The following PRKN variants were observed in gnomAD, a reference collection of about 807,000 sequenced individuals.
PRKN encodes the protein parkin RBR E3 ubiquitin protein ligase.
A neutral mutation model predicts 59.5 loss-of-function variants in PRKN; 56 were observed. The ratio of observed to expected loss-of-function variants is 0.94; its 90% CI spans 0.76 to 1.18. The LOEUF is 1.18. Among genes scored for constraint, PRKN ranks in the 50% most tolerant of loss-of-function variants. PRKN has a pLI of 0.00. For missense variants in PRKN, 657 were observed against 596.4 expected (o/e 1.10, Z -1.06); for synonymous variants, 250 against 222.1 (o/e 1.13, Z -1.12).
At chr6:162,716,560 C>T (rs187294659) in intron 1 of PRKN, among the ~76,000 whole-genome samples, 2 of 152,226 alleles carry the variant, frequency 1.3e-5, no homozygotes, top group Non-Finnish European at 2.9e-5. Context: ...TATCTCCTGT[C>T]CAAAGCATAA....
At chr6:162,158,619 C>T (rs1271918048) in intron 4 of PRKN, among the ~76,000 whole-genome samples, 5 of 151,736 alleles carry the variant, frequency 3.3e-5, no homozygotes, top group African/African-American at 4.9e-5. Context: ...TTAGTAGAGA[C>T]GGGGTTTCAC....
At chr6:162,443,120 T>C (rs1012672052) in intron 2 of PRKN, among the ~76,000 whole-genome samples, 190 bp downstream of exon 2, 4 of 152,170 alleles carry the variant, frequency 2.6e-5, no homozygotes, top group African/African-American at 7.2e-5. Flanking sequence ...CTTCCAATCT[T>C]TCCTGCTTGC....
At chr6:162,141,174 A>T (rs1781764208) in intron 4 of PRKN, among the ~76,000 whole-genome samples, 1 of 152,074 alleles carries the variant, frequency 6.6e-6, no homozygotes, top group East Asian at 1.9e-4. Context: ...AAAAAAGATT[A>T]TTTATGATAT....
rs537289274 is a variant in PRKN, at chr6:161,843,634, A to G, written c.735-57726T>C. On this transcript the variant is annotated intron_variant, in intron 6 of 11. Transcript: ENST00000366898. ...AACCCCATCTCTACTAAAAATACAA[A>G]AAGGAATTAGATAGGCATGGTGGCG... Among the ~76,000 whole-genome samples, 470 of 152,256 alleles carry G rather than the reference A, an allele frequency of 3.1e-3. 3 individuals are homozygous for G. Among genetic ancestry groups the G allele is most frequent in the African/African-American group, 0.011 (441 of 41,540 alleles).
chr6:161,881,464 GACC>G (rs1458234135), intron 6 of PRKN, among the ~76,000 whole-genome samples: 3 of 152,082 alleles, frequency 2.0e-5, no homozygotes, highest in Non-Finnish European at 4.4e-5. Flanking sequence ...TTAGGGCTGC[GACC>G]ACCACAGTCC....
At chr6:162,217,179 T>C (rs936022232) in intron 3 of PRKN, among the ~76,000 whole-genome samples, 1 of 152,200 alleles carries the variant, frequency 6.6e-6, no homozygotes, top group Non-Finnish European at 1.5e-5. Context: ...ACATTCTCCA[T>C]GTGCTACATG....
intron 7 of PRKN, among the ~76,000 whole-genome samples, chr6:161,634,558 C>T (rs1430032097): frequency 6.6e-6 from 1 of 152,312 alleles, no homozygotes; most frequent in African/African-American, 2.4e-5. Flanking sequence ...TTACTTTCTA[C>T]TCAACTCACC....
In PRKN at chr6:162,328,750, G is replaced by C. The variant is rs1056756017; in HGVS notation, c.172-65985C>G. On this transcript the variant is annotated intron_variant, in intron 2 of 11. Transcript: ENST00000366898. Reference sequence around the variant, plus strand: ...AATTAAAACAGGCTCCAGGGATGAGGAGAATGGACTGGATGGAGGAGGAGC... The same window carrying C: ...AATTAAAACAGGCTCCAGGGATGAGCAGAATGGACTGGATGGAGGAGGAGC... Among the ~76,000 whole-genome samples, 6 of 152,296 alleles carry C rather than the reference G, an allele frequency of 3.9e-5. No individual in the cohort carries two copies. In the South Asian group the frequency reaches 1.2e-3, roughly 32 times the overall value.
At chr6:161,469,504 G>A (rs1790663834) in intron 9 of PRKN, among the ~76,000 whole-genome samples, 1 of 148,816 alleles carries the variant, frequency 6.7e-6, no homozygotes, top group Admixed American at 6.8e-5. Flanking sequence ...TTGAGGTGGG[G>A]AGATAATTCT....
intron 7 of PRKN, among the ~76,000 whole-genome samples, chr6:161,727,207 C>T (rs6455766): frequency 0.012 from 1,793 of 152,260 alleles, 33 homozygotes; most frequent in African/African-American, 0.041. Context: ...TGGACAAAGG[C>T]AGTGGGGAGG....
intron 1 of PRKN, among the ~76,000 whole-genome samples, chr6:162,661,928 C>T (rs927088141): frequency 4.6e-5 from 7 of 152,110 alleles, no homozygotes; most frequent in African/African-American, 9.7e-5. Context: ...ATCACTTGAA[C>T]AGTGACCACT....
intron 6 of PRKN, among the ~76,000 whole-genome samples, chr6:161,902,825 G>A (rs1487940321): frequency 2.0e-5 from 3 of 152,060 alleles, no homozygotes; most frequent in Admixed American, 1.3e-4. Flanking sequence ...CCAAAGTGCT[G>A]GGATTACAGG....
rs181764304 is a variant in PRKN, at chr6:162,577,271, T to G, written c.8-133798A>C. ...TAGGAAAAAAATCAATCAAATCACA[T>G]GGAAAAGAATAAGATAACAGTTTGA... On this transcript the variant is annotated intron_variant, in intron 1 of 11. Transcript: ENST00000366898. 2.6e-5 allele frequency among the ~76,000 whole-genome samples: 4 copies of G among 151,676 alleles called. No homozygotes were observed. The South Asian group carries it at 8.3e-4, about 32-fold the overall frequency.
chr6:162,246,185 T>C (rs1384485313), intron 3 of PRKN, among the ~76,000 whole-genome samples: 1 of 152,094 alleles, frequency 6.6e-6, no homozygotes, highest in Non-Finnish European at 1.5e-5. Flanking sequence ...CACCTCCTAA[T>C]CCAACTGTAT....
chr6:162,529,706 G>A (rs1778430881), intron 1 of PRKN, among the ~76,000 whole-genome samples: 1 of 152,146 alleles, frequency 6.6e-6, no homozygotes, highest in Admixed American at 6.5e-5. Flanking sequence ...CCCTAGGAAA[G>A]GAATGTGTAG....
rs1032639316 is a variant in PRKN at position 161,696,944 on chromosome 6, C to T, written c.871+88828G>A. ...AACTAAAGAGAACATGTAAGCCCTA[C>T]ATTCTTTCATTGAAATGGTGATTGC... is the stretch of plus-strand genomic sequence containing the variant. On this transcript the variant is annotated intron_variant, in intron 7 of 11. Coordinates refer to ENST00000366898, the MANE Select transcript of PRKN (RefSeq NM_004562.3). Among the ~76,000 whole-genome samples the T allele has an allele frequency of 3.9e-5, 6 of 152,288 alleles. No homozygotes were observed. In the East Asian group the frequency reaches 1.2e-3, roughly 29 times the overall value.
chr6:162,564,069 G>A (rs1180405909), intron 1 of PRKN, among the ~76,000 whole-genome samples: 1 of 152,026 alleles, frequency 6.6e-6, no homozygotes, highest in Non-Finnish European at 1.5e-5. Flanking sequence ...TAATTGGGCT[G>A]GGTGCGGTGG....
intron 6 of PRKN, among the ~76,000 whole-genome samples, chr6:161,972,765 C>G (rs571966053): frequency 6.6e-6 from 1 of 152,212 alleles, no homozygotes; most frequent in African/African-American, 2.4e-5. Flanking sequence ...GGTGCAGTGG[C>G]TCACGCCTGT....
At chr6:162,426,283 C>T (rs1011967369) in intron 2 of PRKN, among the ~76,000 whole-genome samples, 3 of 152,062 alleles carry the variant, frequency 2.0e-5, no homozygotes, top group Admixed American at 6.6e-5. Context: ...TCCAGGTATA[C>T]ATAGAAACTA....
Sources: allele counts gnomAD v4.1 joint callset (sites outside exome capture counted in the v4.1 genomes callset), GRCh38; gene constraint gnomAD v4.1.1; transcripts MANE v1.5; gene names NCBI Gene and HGNC (gene_info 2026-07-23, HGNC 2026-07-21).